The following BMPR2 variants were observed in gnomAD, a reference collection of about 807,000 sequenced individuals.
The protein encoded by BMPR2 is bone morphogenetic protein receptor type 2.
In BMPR2, 29 loss-of-function variants were observed where a neutral mutation model predicts 100.8. That is an observed-to-expected ratio of 0.29 (90% confidence interval 0.21 to 0.39). The LOEUF is 0.39. Among genes scored for constraint, BMPR2 ranks in the 10% least tolerant of loss-of-function variants. BMPR2 has a pLI of 1.00. For synonymous variants in BMPR2, 382 were observed against 442.3 expected (o/e 0.86, Z 1.71); for missense variants, 1,011 against 1,274.5 (o/e 0.79, Z 3.15).
chr2:202,416,998 G>A (rs1256177851), intron 1 of BMPR2, among the ~76,000 whole-genome samples: 5 of 151,180 alleles, frequency 3.3e-5, no homozygotes, highest in Non-Finnish European at 7.4e-5. Context: ...CACCACGCCC[G>A]GCTAATTTTT....
chr2:202,406,866 T>C (rs545681759), intron 1 of BMPR2, among the ~76,000 whole-genome samples: 1 of 152,240 alleles, frequency 6.6e-6, no homozygotes, highest in African/African-American at 2.4e-5. Context: ...TGTCTGATAG[T>C]AGTGATTAAG....
chr2:202,493,027 G>C (rs1016160632), intron 3 of BMPR2, among the ~76,000 whole-genome samples: 1 of 152,162 alleles, frequency 6.6e-6, no homozygotes, highest in Non-Finnish European at 1.5e-5. Context: ...TCTGAAAACA[G>C]TTCTTGAGTA....
chr2:202,389,318 G>C (rs908637854), intron 1 of BMPR2, among the ~76,000 whole-genome samples: 3 of 151,834 alleles, frequency 2.0e-5, no homozygotes, highest in African/African-American at 7.3e-5. Context: ...ATGAGGTCAG[G>C]AGATTGAGAC....
chr2:202,485,331 GGAGGCCA>G lies in BMPR2; in HGVS notation c.418+17644_418+17650del, dbSNP rs1574472589. 2.6e-5 allele frequency among the ~76,000 whole-genome samples: 4 copies of G among 151,938 alleles called. No homozygotes were observed. The East Asian group carries it at 7.8e-4, about 29-fold the overall frequency. On this transcript the variant is annotated intron_variant, in intron 3 of 12. Coordinates refer to ENST00000374580, the MANE Select transcript of BMPR2 (RefSeq NM_001204.7). ...CAGAAATTTGTTCTTGGACAGCTTT[GGAGGCCA>G]GCAGTCTAAAGCCAAGGTATTGGCT...
intron 10 of BMPR2, among the ~76,000 whole-genome samples, chr2:202,547,978 A>G (rs1348915423): frequency 6.6e-6 from 1 of 150,596 alleles, no homozygotes; most frequent in Non-Finnish European, 1.5e-5. Flanking sequence ...TCAGCTACTC[A>G]GGAGGCTGAG....
chr2:202,380,138 T>C (rs1317998219), intron 1 of BMPR2, among the ~76,000 whole-genome samples: 8 of 152,086 alleles, frequency 5.3e-5, no homozygotes, highest in Non-Finnish European at 1.2e-4. Flanking sequence ...AGTGCTGGGA[T>C]TACAGGCATG....
At position 202,448,476 on chromosome 2, in the gene BMPR2, A is replaced by AT. The variant is rs796276183; in HGVS notation, c.77-16333_77-16332insT. ...AAAAAATAAAAATAAAAAATAAAAA[A>AT]AAAAAAGTGTTGCTCTGTCGCCCAG... On this transcript the variant is annotated intron_variant, in intron 1 of 12. Transcript: ENST00000374580. Among the ~76,000 whole-genome samples, 430 of 150,832 alleles carry AT rather than the reference A, an allele frequency of 2.9e-3. 2 individuals carry two copies. Among genetic ancestry groups the AT allele is most frequent in the African/African-American group, 0.01 (416 of 41,180 alleles).
chr2:202,444,685 CCTT>C (rs1183768369), intron 1 of BMPR2, among the ~76,000 whole-genome samples: 1 of 150,428 alleles, frequency 6.6e-6, no homozygotes, highest in Non-Finnish European at 1.5e-5. Flanking sequence ...TTTTATTTAC[CCTT>C]CTTTTTCTCT....
intron 9 of BMPR2, among the ~76,000 whole-genome samples, chr2:202,541,137 G>A (rs1331231834): frequency 6.6e-6 from 1 of 152,130 alleles, no homozygotes; most frequent in African/African-American, 2.4e-5. Flanking sequence ...AATACTACCT[G>A]TTAGTTAAAA....
intron 12 of BMPR2, among the ~76,000 whole-genome samples, chr2:202,558,138 G>A (rs1476614702): frequency 6.6e-6 from 1 of 152,104 alleles, no homozygotes; most frequent in African/African-American, 2.4e-5. Flanking sequence ...GGGCAACATA[G>A]CAAAACTCCA....
intron 1 of BMPR2, among the ~76,000 whole-genome samples, chr2:202,426,201 T>C (rs1473495147): frequency 1.3e-5 from 2 of 152,228 alleles, no homozygotes; most frequent in Admixed American, 1.3e-4. Flanking sequence ...AGAGCTTGCC[T>C]GGTGACCCAT....
chr2:202,388,766 C>T (rs1227778706), intron 1 of BMPR2, among the ~76,000 whole-genome samples: 4 of 144,754 alleles, frequency 2.8e-5, no homozygotes, highest in Non-Finnish European at 4.5e-5. Context: ...CCAGCCTGGG[C>T]GACACAGTGA....
rs550071893 is a variant in BMPR2, at chr2:202,429,088, T to A, written c.77-35721T>A. The stretch of plus-strand genomic sequence containing the variant: ...ATCTCTAGAATCTATTCCTTTCTTG[T>A]TTTCCTCTGCTCCTGCCTTTATCAG... On this transcript the variant is annotated intron_variant, in intron 1 of 12. Coordinates refer to ENST00000374580, the MANE Select transcript of BMPR2 (RefSeq NM_001204.7). Among the ~76,000 whole-genome samples the A allele has an allele frequency of 5.9e-5, 9 of 152,308 alleles. 1 individual carries two copies. The South Asian group carries it at 1.9e-3, about 32-fold the overall frequency.
rs542184100 is a variant in BMPR2 at position 202,544,269 on chromosome 2, T to C, written c.1413+1822T>C. On this transcript the variant is annotated intron_variant, in intron 10 of 12. Transcript: ENST00000374580. ...ATTAAAAATCTCATGTCATTCTCTT[T>C]CTTGTAAACGATTGTTTTTTTGATG... Among the ~76,000 whole-genome samples the C allele has an allele frequency of 3.9e-5, 6 of 152,358 alleles. No homozygotes were observed. In the South Asian group the frequency reaches 1.0e-3, roughly 26 times the overall value.
intron 1 of BMPR2, among the ~76,000 whole-genome samples, chr2:202,445,210 A>G (rs986766238): frequency 6.7e-6 from 1 of 150,002 alleles, no homozygotes; most frequent in Non-Finnish European, 1.5e-5. Flanking sequence ...AAACATTTTT[A>G]TTTATTTATT....
intron 1 of BMPR2, among the ~76,000 whole-genome samples, chr2:202,423,945 G>T (rs948895182): frequency 1.3e-5 from 2 of 151,832 alleles, no homozygotes; most frequent in Admixed American, 1.3e-4. Flanking sequence ...GTGGTGGCCC[G>T]TGCAGACGTC....
At chr2:202,402,379 G>T (rs1488509286) in intron 1 of BMPR2, among the ~76,000 whole-genome samples, 1 of 152,180 alleles carries the variant, frequency 6.6e-6, no homozygotes, top group African/African-American at 2.4e-5. Context: ...TTAGCCGGGT[G>T]TGGTGGCACA....
intron 1 of BMPR2, among the ~76,000 whole-genome samples, chr2:202,462,258 C>G (rs1255490003): frequency 7.2e-6 from 1 of 139,270 alleles, no homozygotes; most frequent in East Asian, 2.0e-4. Context: ...GAGATGAAGT[C>G]TTGCTCTGTC....
At position 202,556,175 on chromosome 2, in the gene BMPR2, A is replaced by C. The variant is rs770680637; in HGVS notation, c.2510A>C (p.Asn837Thr). The part of the protein sequence containing the change: ...NGTVLSGQTT[N>T]IVTHRAQEML... ...ACAGTACTATCTGGCCAAACAACCA[A>C]CATAGTGACACATAGGGCCCAAGAA... Residue 837 changes from asparagine (N) to threonine (T), a missense_variant, in exon 12 of 13, where the codon AAC becomes ACC. This residue lies in a region of BMPR2 where 508 missense variants were observed against 552.0 expected (regional missense o/e 0.92). Transcript: ENST00000374580. The C allele has an allele frequency of 6.2e-7, 1 of 1,611,696 alleles. No homozygotes were observed. The highest frequency in any genetic ancestry group is 1.1e-5 in the South Asian group (1 of 91,022).
Sources: allele counts gnomAD v4.1 joint callset (sites outside exome capture counted in the v4.1 genomes callset), GRCh38; gene constraint gnomAD v4.1.1; regional missense constraint gnomAD v4.1.1; transcripts MANE v1.5; gene names NCBI Gene and HGNC (gene_info 2026-07-23, HGNC 2026-07-21).